ACACB: variants seen among roughly 807,000 people sequenced by gnomAD.
The protein encoded by ACACB is acetyl-CoA carboxylase beta, also known as acetyl-CoA carboxylase 2.
A neutral mutation model predicts 278.8 loss-of-function variants in ACACB; 209 were observed. The observed-to-expected ratio is 0.75, with a 90% confidence interval of 0.67 to 0.84. ACACB has a LOEUF of 0.84. Ranked by LOEUF, ACACB falls within the 40% of genes least tolerant of loss-of-function variation. ACACB has a pLI of 0.00. For synonymous variants in ACACB, 1,174 were observed against 1,285.6 expected (o/e 0.91, Z 1.86); for missense variants, 2,850 against 3,269.0 (o/e 0.87, Z 3.13).
Position 109,242,282 on chromosome 12 carries a change from A to G in ACACB, c.5023-155A>G, listed in dbSNP as rs149748965. ...GTTCTGGCCCTCCACAGTGGTGAAG[A>G]AGGGAGTTTTACGTAGCCCAGGCAC... On this transcript the variant is annotated intron_variant, in intron 36 of 52. Coordinates refer to ENST00000338432, the MANE Select transcript of ACACB (RefSeq NM_001093.4). 2.5e-4 allele frequency: 182 copies of G among 741,828 alleles called. No individual in the cohort carries two copies. The African/African-American group carries it at 2.9e-3, about 12-fold the overall frequency. The allele number at this position is 741,828 out of a possible 1,614,324, so 46.0% of individuals were successfully genotyped here.
At chr12:109,223,270 T>G (rs1223272335) in intron 26 of ACACB, among the ~76,000 whole-genome samples, 1 of 152,174 alleles carries the variant, frequency 6.6e-6, no homozygotes, top group African/African-American at 2.4e-5. Flanking sequence ...CTCATTTACA[T>G]GTTCTCAGGT....
rs185319325 is a variant in ACACB, at chr12:109,225,460, T to C, written c.3882+1556T>C. 5.5e-3 allele frequency among the ~76,000 whole-genome samples: 837 copies of C among 152,358 alleles called. 8 individuals are homozygous for C. Among genetic ancestry groups the C allele is most frequent in the Non-Finnish European group, 8.3e-3 (568 of 68,028 alleles). On this transcript the variant is annotated intron_variant, in intron 27 of 52. Transcript: ENST00000338432. ...GTCATCCAGGCTGGCCTGGAATTCC[T>C]GGGCTCACGCGATCCACCTGCCTTG...
At chr12:109,264,158 A>ATTC (rs1263320081) in intron 49 of ACACB, 74 bp from the exon 50 acceptor site, 22 of 1,523,512 alleles carry the variant, frequency 1.4e-5, no homozygotes, top group Admixed American at 2.1e-5. Context: ...CTTCTTCAAA[A>ATTC]AAAAAAAAAA....
At chr12:109,242,752 C>T in intron 37 of ACACB, 160 bp downstream of exon 37, 2 of 782,886 alleles carry the variant, frequency 2.6e-6, no homozygotes, top group Non-Finnish European at 3.9e-6. Context: ...CTTCGGGAGG[C>T]CGAGGAGGGA....
intron 21 of ACACB, among the ~76,000 whole-genome samples, chr12:109,210,455 G>T (rs1565928671): frequency 7.1e-6 from 1 of 140,796 alleles, no homozygotes; most frequent in Admixed American, 7.1e-5. Context: ...GTGTATATAT[G>T]TATATATACG....
At chr12:109,205,377 C>T (rs553269910) in intron 19 of ACACB, among the ~76,000 whole-genome samples, 101 of 152,128 alleles carry the variant, frequency 6.6e-4, no homozygotes, top group Non-Finnish European at 1.0e-3. Flanking sequence ...GTTAGAAGAC[C>T]GCCCTTGGCC....
chr12:109,209,866 CACAT>C (rs1261600310), intron 21 of ACACB, among the ~76,000 whole-genome samples: 2 of 129,828 alleles, frequency 1.5e-5, no homozygotes, highest in Non-Finnish European at 3.2e-5. Context: ...TGTATATACA[CACAT>C]ACACACACGT....
chr12:109,229,800 T>C (rs2046417697), intron 28 of ACACB, among the ~76,000 whole-genome samples: 1 of 152,196 alleles, frequency 6.6e-6, no homozygotes, highest in Non-Finnish European at 1.5e-5. Context: ...CCCAAAGTGA[T>C]GGGATGACAG....
chr12:109,166,206 G>A (rs564121226), intron 2 of ACACB, among the ~76,000 whole-genome samples: 4 of 152,290 alleles, frequency 2.6e-5, no homozygotes, highest in Non-Finnish European at 5.9e-5. Flanking sequence ...CGATTAGAAT[G>A]TGTGGACTTC....
intron 27 of ACACB, 36 bp from the exon 28 acceptor site, chr12:109,227,335 C>A (rs1409236377): frequency 1.9e-6 from 3 of 1,573,710 alleles, no homozygotes; most frequent in Non-Finnish European, 1.7e-6. Flanking sequence ...CTGCAGTGGC[C>A]CCTGAGAGAA....
rs776023628 is a variant in ACACB at position 109,191,894 on chromosome 12, C to T, written c.2343C>T (p.Asn781=). The change falls in exon 15 of 53, where the codon AAC becomes AAT. Residue 781 remains asparagine, a synonymous_variant. Transcript: ENST00000338432. ...IMLGVVCGAL[N]VADAMFRTCM... is the part of the protein sequence containing the mutation. ...TTGGGGTGGTATGCGGGGCCTTGAA[C>T]GTGGCCGATGCGATGTTCAGAACGT... The T allele has an allele frequency of 4.5e-5, 73 of 1,614,178 alleles. No homozygotes were observed. The highest frequency in any genetic ancestry group is 1.8e-4 in the East Asian group (8 of 44,884).
intron 1 of ACACB, among the ~76,000 whole-genome samples, chr12:109,129,997 A>T (rs2042782621): frequency 1.3e-5 from 2 of 152,208 alleles, no homozygotes; most frequent in Non-Finnish European, 2.9e-5. Flanking sequence ...TGATTCTCAC[A>T]ATAAGGCAGG....
chr12:109,124,751 G>A (rs1432575893), intron 1 of ACACB, among the ~76,000 whole-genome samples: 1 of 152,146 alleles, frequency 6.6e-6, no homozygotes, highest in Non-Finnish European at 1.5e-5. Flanking sequence ...GTCTCTCTCT[G>A]TCATCCAGGC....
chr12:109,187,996 C>A lies in ACACB; in HGVS notation c.1981-3C>A. 1 of 1,587,324 alleles carries A rather than the reference C, an allele frequency of 6.3e-7. No homozygotes were observed. The highest frequency in any genetic ancestry group is 8.6e-7 in the Non-Finnish European group (1 of 1,159,454). On this transcript the variant is annotated splice_region_variant and splice_polypyrimidine_tract_variant and intron_variant, in intron 12 of 52. Coordinates refer to ENST00000338432, the MANE Select transcript of ACACB (RefSeq NM_001093.4). ...CATTTTGCATTTTCTGTCCGGACTC[C>A]AGGGTTTTAAGCCGAGCTCCGGGAC...
Position 109,232,703 on chromosome 12 carries a change from C to G in ACACB, c.4036C>G (p.Leu1346Val). The change falls in exon 29 of 53, where the codon CTG (leucine) becomes GTG (valine). Residue 1346 changes from leucine to valine, a missense_variant. Leu to Val is a conservative substitution (Grantham distance 32). Around this residue, in one of 3 missense-constraint regions of ACACB, gnomAD observed 2,265 missense variants for 2,561.3 expected, o/e 0.88. Coordinates refer to ENST00000338432, the MANE Select transcript of ACACB (RefSeq NM_001093.4). Reference sequence around the variant, plus strand: ...GCCCATCAGCATCACCAACCCTGACCTGCTGAGGCACAGCACAGAGCTCTT... The same window carrying G: ...GCCCATCAGCATCACCAACCCTGACGTGCTGAGGCACAGCACAGAGCTCTT... ...TVPISITNPD[L>V]LRHSTELFMD... 1 of 1,614,198 alleles carries G rather than the reference C, an allele frequency of 6.2e-7. No individual in the cohort carries two copies.
chr12:109,204,430 A>G (rs2045433566), intron 19 of ACACB, among the ~76,000 whole-genome samples: 1 of 151,778 alleles, frequency 6.6e-6, no homozygotes. Context: ...ACCTGCCACT[A>G]TGCCCAGCTA....
At chr12:109,209,821 G>A (rs12425409) in intron 21 of ACACB, among the ~76,000 whole-genome samples, 23,897 of 107,062 alleles carry the variant, frequency 0.22, 2,308 homozygotes, top group African/African-American at 0.32. Context: ...ACATATATAT[G>A]CATATATATA....
intron 22 of ACACB, among the ~76,000 whole-genome samples, chr12:109,213,620 A>G (rs1005017331): frequency 2.6e-5 from 4 of 150,994 alleles, no homozygotes; most frequent in African/African-American, 9.8e-5. Flanking sequence ...TTTGAGATGG[A>G]GTTTCGCTCT....
rs994484216 is a variant in ACACB, at chr12:109,179,086, A to G, written c.1438-2A>G. 1.2e-6 allele frequency: 2 copies of G among 1,612,032 alleles called. No individual in the cohort carries two copies. The highest frequency in any genetic ancestry group is 1.7e-5 in the Admixed American group (1 of 59,770). On this transcript the variant is annotated splice_acceptor_variant, in intron 9 of 52. Coordinates refer to ENST00000338432, the MANE Select transcript of ACACB (RefSeq NM_001093.4). LOFTEE classifies it high-confidence loss of function. ...ATCAGGCTGCTCTGCTTCCCCCGAC[A>G]GGTACAGAGTGAGATCCCAGGCTCG... is the stretch of plus-strand genomic sequence containing the variant.
Sources: gnomAD v4.1 joint callset for allele counts (sites outside exome capture counted in the v4.1 genomes callset) on GRCh38, gnomAD v4.1.1 for gene constraint, gnomAD v4.1.1 regional missense constraint, MANE v1.5 for transcripts, NCBI Gene and HGNC (gene_info 2026-07-23, HGNC 2026-07-21) for gene names.